Variants in DLGAP2 observed in about 807,000 individuals in gnomAD.
DLGAP2 encodes the protein disks large-associated protein 2.
DLGAP2 carries 26 observed loss-of-function variants against 100.3 expected under a neutral mutation model. That is an observed-to-expected ratio of 0.26 (90% CI 0.19 to 0.36). The LOEUF (loss-of-function observed/expected upper bound fraction) is 0.36. Among genes scored for constraint, DLGAP2 ranks in the 10% least tolerant of loss-of-function variants. DLGAP2 has a pLI of 1.00. For synonymous variants in DLGAP2, 886 were observed against 630.1 expected (o/e 1.41, Z -6.08); for missense variants, 1,858 against 1,453.2 (o/e 1.28, Z -4.53).
At chr8:1,285,716 C>G (rs1247282757) in intron 3 of DLGAP2, among the ~76,000 whole-genome samples, 2 of 152,194 alleles carry the variant, frequency 1.3e-5, no homozygotes, top group East Asian at 3.8e-4. Context: ...TGCCTGTAAT[C>G]CCAATACTTT....
intron 3 of DLGAP2, among the ~76,000 whole-genome samples, chr8:1,296,529 C>T (rs1036198875): frequency 1.0e-5 from 1 of 97,610 alleles, no homozygotes; most frequent in Non-Finnish European, 2.4e-5. Context: ...TTGTCGCTGC[C>T]TATCTTGCAG....
chr8:1,092,461 C>T (rs559178627), intron 2 of DLGAP2, among the ~76,000 whole-genome samples: 22 of 152,310 alleles, frequency 1.4e-4, no homozygotes, highest in East Asian at 5.8e-4. Context: ...CTCTTTGCCC[C>T]GTGGTTCCTG....
At chr8:1,382,280 C>T (rs1004185945) in intron 3 of DLGAP2, among the ~76,000 whole-genome samples, 4 of 152,276 alleles carry the variant, frequency 2.6e-5, no homozygotes, top group African/African-American at 9.6e-5. Context: ...ACCACAGAGG[C>T]CTTCATCCCC....
At chr8:1,121,974 A>T (rs908401922) in intron 2 of DLGAP2, among the ~76,000 whole-genome samples, 3 of 152,092 alleles carry the variant, frequency 2.0e-5, no homozygotes, top group Non-Finnish European at 4.4e-5. Context: ...CTTCTTTCTC[A>T]TGGTGTTGCC....
intron 1 of DLGAP2, among the ~76,000 whole-genome samples, chr8:766,630 T>G (rs1221964131): frequency 1.3e-5 from 2 of 152,168 alleles, no homozygotes; most frequent in Non-Finnish European, 2.9e-5. Flanking sequence ...TGCATGATAC[T>G]TGGAGTGATC....
chr8:935,219 G>A (rs79216478), intron 2 of DLGAP2, among the ~76,000 whole-genome samples: 3,485 of 152,286 alleles, frequency 0.023, 127 homozygotes, highest in African/African-American at 0.079. Context: ...TTCCTTCCCG[G>A]TGTGGGTCAA....
At position 779,698 on chromosome 8, in the gene DLGAP2, A is replaced by G. The variant is rs114686576; in HGVS notation, c.18+41873A>G. Among the ~76,000 whole-genome samples the G allele has an allele frequency of 5.8e-3, 878 of 152,010 alleles. 12 individuals carry two copies. Among genetic ancestry groups the G allele is most frequent in the African/African-American group, 0.02 (846 of 41,502 alleles). ...CTGGTTTCTAGAACTTTCTTCTACCACTGTTAGCCATCCAAATCTTTGCCT... is the reference window on the plus strand; with the variant it reads ...CTGGTTTCTAGAACTTTCTTCTACCGCTGTTAGCCATCCAAATCTTTGCCT... On this transcript the variant is annotated intron_variant, in intron 1 of 14. Transcript: ENST00000637795.
chr8:1,357,842 G>A (rs1801892083), intron 3 of DLGAP2, among the ~76,000 whole-genome samples: 2 of 152,172 alleles, frequency 1.3e-5, no homozygotes, highest in South Asian at 4.1e-4. Flanking sequence ...CAGAGCACAG[G>A]GAGGGGGCAG....
chr8:1,609,375 G>A (rs1222777374), intron 6 of DLGAP2, among the ~76,000 whole-genome samples: 1 of 135,078 alleles, frequency 7.4e-6, no homozygotes, highest in Non-Finnish European at 1.6e-5. Context: ...TGCCCTAAAA[G>A]AGCTCCTGAA....
At chr8:1,120,446 T>A (rs1211079557) in intron 2 of DLGAP2, among the ~76,000 whole-genome samples, 1 of 152,178 alleles carries the variant, frequency 6.6e-6, no homozygotes, top group African/African-American at 2.4e-5. Context: ...CTGTCCATTC[T>A]AGACCCTTCA....
chr8:1,050,580 C>A (rs1802649219), intron 2 of DLGAP2, among the ~76,000 whole-genome samples: 1 of 152,140 alleles, frequency 6.6e-6, no homozygotes, highest in Non-Finnish European at 1.5e-5. Context: ...GAGCGCCTGT[C>A]CCTGAATGCA....
intron 2 of DLGAP2, among the ~76,000 whole-genome samples, chr8:917,564 T>C (rs1798620992): frequency 6.6e-6 from 1 of 151,978 alleles, no homozygotes; most frequent in African/African-American, 2.4e-5. Context: ...TTGTTGTTAC[T>C]GGACAGCGTC....
chr8:1,436,654 G>C (rs1160319849), intron 3 of DLGAP2, among the ~76,000 whole-genome samples: 1 of 152,144 alleles, frequency 6.6e-6, no homozygotes, highest in Non-Finnish European at 1.5e-5. Context: ...TGTAGCCCAA[G>C]TTTGCAGTGT....
At chr8:1,115,531 G>T (rs754716199) in intron 2 of DLGAP2, among the ~76,000 whole-genome samples, 1 of 152,240 alleles carries the variant, frequency 6.6e-6, no homozygotes, top group Admixed American at 6.5e-5. Flanking sequence ...GTTTGTGTAT[G>T]TAAAGTGCCT....
At chr8:1,183,590 G>A (rs1259737322) in intron 2 of DLGAP2, among the ~76,000 whole-genome samples, 2 of 152,188 alleles carry the variant, frequency 1.3e-5, no homozygotes, top group Non-Finnish European at 2.9e-5. Flanking sequence ...CATGCTGCCC[G>A]GGGCCACAGA....
chr8:1,369,302 C>T (rs931077748), intron 3 of DLGAP2: 1 of 152,108 alleles, frequency 6.6e-6, no homozygotes, highest in Non-Finnish European at 1.5e-5. Flanking sequence ...GCTGGATTCC[C>T]AAGGCCTCCC....
chr8:822,927 C>G (rs769187624), intron 1 of DLGAP2, among the ~76,000 whole-genome samples: 4 of 152,120 alleles, frequency 2.6e-5, no homozygotes, highest in Non-Finnish European at 4.4e-5. Context: ...TTTACCTGCC[C>G]CAGTGCCAGT....
chr8:815,491 C>G (rs1032612735), intron 1 of DLGAP2, among the ~76,000 whole-genome samples: 4 of 152,142 alleles, frequency 2.6e-5, no homozygotes, highest in East Asian at 3.9e-4. Context: ...AGGGAAAATC[C>G]TTTCAGATGG....
intron 3 of DLGAP2, among the ~76,000 whole-genome samples, chr8:1,409,965 C>T (rs1295260636): frequency 6.6e-6 from 1 of 152,144 alleles, no homozygotes. Flanking sequence ...AAAATAAAAC[C>T]CCCTCTTATG....
Sources: allele counts gnomAD v4.1 joint callset (sites outside exome capture counted in the v4.1 genomes callset), GRCh38; gene constraint gnomAD v4.1.1; transcripts MANE v1.5; gene names NCBI Gene and HGNC (gene_info 2026-07-23, HGNC 2026-07-21).